The following CAST variants were observed in gnomAD, a reference collection of about 807,000 sequenced individuals.
CAST encodes the protein calpastatin.
CAST carries 76 observed loss-of-function variants against 119.6 expected under a neutral mutation model. That is an observed-to-expected ratio of 0.64 (90% CI 0.53 to 0.77). CAST has a LOEUF of 0.77. Among genes scored for constraint, CAST ranks in the 30% least tolerant of loss-of-function variants. The probability of loss-of-function intolerance (pLI) is 0.00; values close to 1 mark genes in which losing one functional copy is unlikely to be tolerated. For missense variants in CAST, 953 were observed against 946.5 expected (o/e 1.01, Z -0.09); for synonymous variants, 319 against 331.6 (o/e 0.96, Z 0.41).
chr5:96,360,012 A>G, the CAST span, among the ~76,000 whole-genome samples: 4 of 152,034 alleles, frequency 2.6e-5, no homozygotes, highest in Admixed American at 2.0e-4. Context: ...TCCCATGTTT[A>G]TTGGAGGCTT....
chr5:96,667,004 T>C (rs556695297), intron 1 of CAST, among the ~76,000 whole-genome samples: 1 of 152,326 alleles, frequency 6.6e-6, no homozygotes, highest in East Asian at 1.9e-4. Flanking sequence ...TGTCTCATTT[T>C]CCTTTCATGA....
the CAST span, among the ~76,000 whole-genome samples, chr5:96,447,807 G>A: frequency 6.6e-6 from 1 of 152,052 alleles, no homozygotes; most frequent in Non-Finnish European, 1.5e-5. Flanking sequence ...TGTGATATCA[G>A]CTGAGGTGCC....
chr5:96,254,174 A>T, the CAST span, among the ~76,000 whole-genome samples: 1 of 152,166 alleles, frequency 6.6e-6, no homozygotes, highest in East Asian at 1.9e-4. Context: ...TGGAGACAGC[A>T]TATATAGAAT....
chr5:96,317,002 G>C, the CAST span, among the ~76,000 whole-genome samples: 8 of 152,132 alleles, frequency 5.3e-5, no homozygotes, highest in East Asian at 1.5e-3. Flanking sequence ...TTATGTTCTT[G>C]GTACCTAAAG....
chr5:96,763,350 G>T (rs1380480794), intron 25 of CAST: 2 of 743,508 alleles, frequency 2.7e-6, no homozygotes, highest in Non-Finnish European at 5.0e-6. Context: ...CCCCGTGTGT[G>T]TGTATGTGCA....
At chr5:96,023,757 T>G in the CAST span, among the ~76,000 whole-genome samples, 1 of 152,052 alleles carries the variant, frequency 6.6e-6, no homozygotes, top group Non-Finnish European at 1.5e-5. Context: ...CTTACAGTCC[T>G]ATTTTGTGTA....
the CAST span, among the ~76,000 whole-genome samples, chr5:96,104,632 C>G: frequency 2.6e-5 from 4 of 151,764 alleles, no homozygotes; most frequent in African/African-American, 9.7e-5. Context: ...GTTTTGGTTA[C>G]TGTAGCCTTG....
At chr5:96,124,690 C>T in the CAST span, among the ~76,000 whole-genome samples, 1 of 152,036 alleles carries the variant, frequency 6.6e-6, no homozygotes, top group Admixed American at 6.6e-5. Context: ...TAGTTATTTA[C>T]TTAATAAGCA....
At chr5:96,290,860 T>C in the CAST span, among the ~76,000 whole-genome samples, 1 of 152,308 alleles carries the variant, frequency 6.6e-6, no homozygotes, top group East Asian at 1.9e-4. Context: ...TAATCCCCTC[T>C]TGCTATCAGT....
chr5:96,183,181 T>TAATAAC, the CAST span, among the ~76,000 whole-genome samples: 1 of 147,774 alleles, frequency 6.8e-6, no homozygotes, highest in East Asian at 2.0e-4. Context: ...ATAATAATAA[T>TAATAAC]AATAATAATA....
intron 4 of CAST, among the ~76,000 whole-genome samples, chr5:96,723,573 T>G (rs1444261455): frequency 6.6e-6 from 1 of 152,290 alleles, no homozygotes; most frequent in East Asian, 1.9e-4. Context: ...AAATTATTTT[T>G]TTGAATTTCA....
chr5:96,701,790 G>A (rs1290138527), intron 3 of CAST, among the ~76,000 whole-genome samples: 1 of 147,286 alleles, frequency 6.8e-6, no homozygotes, highest in African/African-American at 2.5e-5. Context: ...GGGCCACATA[G>A]CGAGAATCCC....
At chr5:96,565,775 C>A (rs771696340) in intron 1 of CAST, among the ~76,000 whole-genome samples, 7 of 152,144 alleles carry the variant, frequency 4.6e-5, no homozygotes, top group Non-Finnish European at 1.0e-4. Context: ...TGAGATGTAC[C>A]GGGCAGAAGG....
At chr5:96,685,809 T>G (rs1752014859) in intron 2 of CAST, among the ~76,000 whole-genome samples, 1 of 152,226 alleles carries the variant, frequency 6.6e-6, no homozygotes, top group African/African-American at 2.4e-5. Context: ...GCCCAAGGAA[T>G]CAGTATTTTT....
upstream of CAST, among the ~76,000 whole-genome samples, chr5:96,525,695 C>T (rs1745587335): frequency 6.6e-6 from 1 of 152,142 alleles, no homozygotes; most frequent in African/African-American, 2.4e-5. Flanking sequence ...GATTATCCTA[C>T]TTACCATTTA....
the CAST span, among the ~76,000 whole-genome samples, chr5:96,029,959 G>C: frequency 2.0e-5 from 3 of 152,090 alleles, no homozygotes; most frequent in Non-Finnish European, 4.4e-5. Context: ...TTTGAACCAA[G>C]AAAGGTTGTC....
the CAST span, among the ~76,000 whole-genome samples, chr5:96,074,250 G>A: frequency 1.3e-5 from 2 of 152,150 alleles, no homozygotes; most frequent in African/African-American, 4.8e-5. Flanking sequence ...GTTAACTGAT[G>A]TTTTGGCCTG....
chr5:96,300,304 T>C, the CAST span, among the ~76,000 whole-genome samples: 1 of 152,198 alleles, frequency 6.6e-6, no homozygotes, highest in Non-Finnish European at 1.5e-5. Context: ...TCCAATTTTA[T>C]TCTTTTTTTA....
the CAST span, among the ~76,000 whole-genome samples, chr5:96,349,950 G>A: frequency 5.9e-5 from 9 of 152,246 alleles, no homozygotes; most frequent in African/African-American, 1.4e-4. Context: ...GAATAGAAAC[G>A]TGGTGATGAA....
Sources: allele counts gnomAD v4.1 joint callset (sites outside exome capture counted in the v4.1 genomes callset), GRCh38; gene constraint gnomAD v4.1.1; transcripts MANE v1.5; gene names NCBI Gene and HGNC (gene_info 2026-07-23, HGNC 2026-07-21).